CSMD1: variants seen among roughly 807,000 people sequenced by gnomAD.
CSMD1 encodes the protein CUB and sushi domain-containing protein 1.
Under a neutral mutation model 417.5 loss-of-function variants are expected in CSMD1, and 213 were observed. The observed-to-expected ratio is 0.51, with a 90% CI of 0.46 to 0.57. The LOEUF (loss-of-function observed/expected upper bound fraction) is 0.57. Among genes scored for constraint, CSMD1 ranks in the 20% least tolerant of loss-of-function variants. CSMD1 has a pLI of 0.00. For synonymous variants in CSMD1, 2,862 were observed against 1,736.8 expected, an observed-to-expected ratio of 1.65 and a Z score of -16.11; for missense variants, 6,923 against 4,529.7, an observed-to-expected ratio of 1.53 and a Z score of -15.17.
At chr8:3,591,222 G>C (rs898249429) in intron 8 of CSMD1, among the ~76,000 whole-genome samples, 5 of 152,090 alleles carry the variant, frequency 3.3e-5, no homozygotes, top group Non-Finnish European at 5.9e-5. Context: ...CTCAAACAAA[G>C]CAGCAAAATT....
chr8:3,136,889 C>T (rs1439789637), intron 41 of CSMD1, among the ~76,000 whole-genome samples: 1 of 152,062 alleles, frequency 6.6e-6, no homozygotes, highest in African/African-American at 2.4e-5. Context: ...CATGAATTGG[C>T]TAAATTTTTT....
intron 10 of CSMD1, among the ~76,000 whole-genome samples, chr8:3,527,757 C>T (rs562243804): frequency 7.7e-4 from 118 of 152,286 alleles, no homozygotes; most frequent in Non-Finnish European, 1.4e-3. Flanking sequence ...CTTCTCTGTA[C>T]TGTTTTATTC....
intron 7 of CSMD1, among the ~76,000 whole-genome samples, chr8:3,633,611 A>G (rs1796887550): frequency 6.6e-6 from 1 of 152,252 alleles, no homozygotes; most frequent in Non-Finnish European, 1.5e-5. Flanking sequence ...GAAAGGATAA[A>G]TTAATATTTC....
rs112480279 is a variant in CSMD1, at chr8:3,597,273, G to C, written c.1098-11013C>G. 6.9e-3 allele frequency among the ~76,000 whole-genome samples: 1,055 copies of C among 152,232 alleles called. 20 individuals are homozygous for C. Among genetic ancestry groups the C allele is most frequent in the South Asian group, 0.031 (148 of 4,824 alleles). Reference sequence around the variant, plus strand: ...TGTCTAGAGGCACCGGTGAGACAGAGCATCTCCCTGGGCTGATTCTGAAGC... The same window carrying C: ...TGTCTAGAGGCACCGGTGAGACAGACCATCTCCCTGGGCTGATTCTGAAGC... On this transcript the variant is annotated intron_variant, in intron 8 of 69. Transcript: ENST00000635120.
chr8:3,774,855 G>A (rs1563067072), intron 5 of CSMD1, among the ~76,000 whole-genome samples: 1 of 152,162 alleles, frequency 6.6e-6, no homozygotes, highest in Non-Finnish European at 1.5e-5. Context: ...ACCAGTGGAT[G>A]CCTGAAACCA....
chr8:3,155,503 G>C (rs887274317), intron 39 of CSMD1, among the ~76,000 whole-genome samples: 1 of 151,386 alleles, frequency 6.6e-6, no homozygotes, highest in Non-Finnish European at 1.5e-5. Flanking sequence ...GAGTAGCTGA[G>C]ACTACAGATG....
chr8:4,625,330 A>T (rs2616983), intron 2 of CSMD1, among the ~76,000 whole-genome samples: 109,924 of 151,880 alleles, frequency 0.72, 40,277 homozygotes, highest in Admixed American at 0.81. Flanking sequence ...AAAAGTCTCA[A>T]TAGAGGGTCA....
At chr8:4,075,102 A>T (rs965818300) in intron 3 of CSMD1, among the ~76,000 whole-genome samples, 1 of 152,162 alleles carries the variant, frequency 6.6e-6, no homozygotes, top group Non-Finnish European at 1.5e-5. Flanking sequence ...TAGACAAAGA[A>T]CAAAGTTGAA....
At chr8:4,414,000 A>G (rs945616729) in intron 3 of CSMD1, among the ~76,000 whole-genome samples, 3 of 152,184 alleles carry the variant, frequency 2.0e-5, no homozygotes, top group African/African-American at 7.2e-5. Flanking sequence ...GGGCTAATGG[A>G]GAGCCAGCTG....
chr8:4,033,344 A>T (rs564403900), intron 3 of CSMD1, among the ~76,000 whole-genome samples: 1 of 152,232 alleles, frequency 6.6e-6, no homozygotes, highest in Admixed American at 6.5e-5. Flanking sequence ...TGGGAGGCTG[A>T]GGCAGGAGAA....
At chr8:4,001,186 T>C (rs1815643614) in intron 4 of CSMD1, among the ~76,000 whole-genome samples, 1 of 152,206 alleles carries the variant, frequency 6.6e-6, no homozygotes, top group South Asian at 2.1e-4. Flanking sequence ...AAACATAGAA[T>C]ACAAGTGTAT....
At chr8:2,959,735 T>C (rs1313892885) in intron 62 of CSMD1, among the ~76,000 whole-genome samples, 1 of 152,126 alleles carries the variant, frequency 6.6e-6, no homozygotes, top group African/African-American at 2.4e-5. Flanking sequence ...TTTGTGTAAG[T>C]AAGGTTTCAG....
At chr8:4,799,735 G>T (rs1288538678) in intron 1 of CSMD1, among the ~76,000 whole-genome samples, 2 of 148,524 alleles carry the variant, frequency 1.3e-5, no homozygotes, top group African/African-American at 5.0e-5. Flanking sequence ...GGCATTACAT[G>T]TCAAAAAGCT....
chr8:3,906,177 T>G (rs987872928), intron 5 of CSMD1, among the ~76,000 whole-genome samples: 5 of 152,150 alleles, frequency 3.3e-5, no homozygotes, highest in Admixed American at 3.3e-4. Context: ...ATTTGTGATA[T>G]GGGTTAATGT....
intron 3 of CSMD1, among the ~76,000 whole-genome samples, chr8:4,406,963 C>T (rs989587682): frequency 1.3e-5 from 2 of 152,142 alleles, no homozygotes; most frequent in Non-Finnish European, 2.9e-5. Context: ...TATCTTGTTT[C>T]CTAAACGAGG....
chr8:4,454,052 G>C (rs1336041908), intron 2 of CSMD1, among the ~76,000 whole-genome samples: 1 of 151,910 alleles, frequency 6.6e-6, no homozygotes, highest in East Asian at 1.9e-4. Context: ...TCGATCTCCT[G>C]ACCTCGTGAT....
At chr8:3,643,222 T>C (rs758726809) in intron 7 of CSMD1, among the ~76,000 whole-genome samples, 8 of 151,692 alleles carry the variant, frequency 5.3e-5, no homozygotes, top group African/African-American at 1.2e-4. Context: ...ATGGTGACCA[T>C]ATTGTGGTGA....
At chr8:3,940,049 G>T (rs1033237419) in intron 5 of CSMD1, among the ~76,000 whole-genome samples, 1 of 152,048 alleles carries the variant, frequency 6.6e-6, no homozygotes, top group Non-Finnish European at 1.5e-5. Context: ...AAATACTGAA[G>T]ATGTGTAGAT....
At chr8:4,181,953 T>A (rs10110574) in intron 3 of CSMD1, among the ~76,000 whole-genome samples, 44,796 of 99,646 alleles carry the variant, frequency 0.45, 6,846 homozygotes, top group South Asian at 0.56. Flanking sequence ...TTTGTCTGTG[T>A]CTGCGTGTGT....
Sources: allele counts gnomAD v4.1 joint callset (sites outside exome capture counted in the v4.1 genomes callset), GRCh38; gene constraint gnomAD v4.1.1; transcripts MANE v1.5; gene names NCBI Gene and HGNC (gene_info 2026-07-23, HGNC 2026-07-21).